Variants in THUMPD2 observed in about 807,000 individuals in gnomAD.
The protein encoded by THUMPD2 is U6 snRNA (guanine-N(2))-methyltransferase THUMPD2.
In THUMPD2, 56 loss-of-function variants were observed where a neutral mutation model predicts 49.4. The ratio of observed to expected loss-of-function variants is 1.13; its 90% CI spans 0.91 to 1.41. The LOEUF (loss-of-function observed/expected upper bound fraction) is 1.41, where lower values mean the gene tolerates loss of function less well. Ranked by LOEUF, THUMPD2 falls within the 40% of genes most tolerant of loss-of-function variation. The probability of loss-of-function intolerance (pLI) is 0.00; values close to 1 mark genes in which losing one functional copy is unlikely to be tolerated. For synonymous variants in THUMPD2, 237 were observed against 205.2 expected (o/e 1.15, Z -1.32); for missense variants, 709 against 594.5 (o/e 1.19, Z -2.00).
chr2:39,773,121 T>A (rs541255859), intron 1 of THUMPD2, among the ~76,000 whole-genome samples: 1 of 152,172 alleles, frequency 6.6e-6, no homozygotes, highest in South Asian at 2.1e-4. Context: ...GTTTCTAGAA[T>A]TTACTTCTTT....
At chr2:39,740,707 T>C (rs1195073075) in intron 9 of THUMPD2, among the ~76,000 whole-genome samples, 1 of 151,622 alleles carries the variant, frequency 6.6e-6, no homozygotes, top group Non-Finnish European at 1.5e-5. Context: ...CTAGTTCATA[T>C]ACACATAATT....
chr2:39,747,021 T>G, intron 8 of THUMPD2, among the ~76,000 whole-genome samples: 1 of 152,228 alleles, frequency 6.6e-6, no homozygotes, highest in East Asian at 1.9e-4. Context: ...TTTTCTCCAT[T>G]TCTCAGCCAA....
At chr2:39,738,432 C>T (rs888660302) in intron 9 of THUMPD2, among the ~76,000 whole-genome samples, 11 of 151,732 alleles carry the variant, frequency 7.2e-5, no homozygotes, top group Non-Finnish European at 1.6e-4. Flanking sequence ...GGTGTGGTGG[C>T]GTGTGCCTGT....
At chr2:39,749,081 A>T (rs1269505633) in intron 8 of THUMPD2, among the ~76,000 whole-genome samples, 1 of 152,180 alleles carries the variant, frequency 6.6e-6, no homozygotes, top group African/African-American at 2.4e-5. Context: ...TTATATGGGT[A>T]TAACATTAAA....
In THUMPD2 at chr2:39,769,919, T is replaced by C; in HGVS notation, c.463A>G (p.Ile155Val). 3 of 1,583,060 alleles carry C rather than the reference T, an allele frequency of 1.9e-6. No homozygotes were observed. Among genetic ancestry groups the C allele is most frequent in the South Asian group, 2.4e-5 (2 of 83,666 alleles). Residue 155 changes from isoleucine (I) to valine (V), a missense_variant, in exon 3 of 10, where the codon ATA becomes GTA. Coordinates refer to ENST00000505747, the MANE Select transcript of THUMPD2 (RefSeq NM_025264.5). ...AGCTGGCAGTCCCTATTCTCTTCTA[T>C]CTTTTGCATTTGTTCTATTTTTAAT... ...KKLKIEQMQK[I>V]EENRDCQLEK...
chr2:39,779,092 G>C (rs1208056369), intron 1 of THUMPD2, 22 bp downstream of exon 1: 4 of 1,496,828 alleles, frequency 2.7e-6, no homozygotes, highest in Non-Finnish European at 3.5e-6. Context: ...ACCTCCCCAG[G>C]CGCGCAGCGA....
intron 8 of THUMPD2, among the ~76,000 whole-genome samples, chr2:39,751,705 G>C (rs1365833541): frequency 2.8e-5 from 2 of 70,478 alleles, no homozygotes; most frequent in Non-Finnish European, 5.4e-5. Context: ...TTTTTTTTGA[G>C]ACGGAGTCTC....
intron 1 of THUMPD2, among the ~76,000 whole-genome samples, chr2:39,776,957 CATT>C (rs1558549935): frequency 6.6e-6 from 1 of 152,204 alleles, no homozygotes; most frequent in African/African-American, 2.4e-5. Context: ...TGGAAAAACA[CATT>C]AAAATGAAGT....
intron 5 of THUMPD2, among the ~76,000 whole-genome samples, chr2:39,764,241 G>A (rs1415010848): frequency 6.6e-6 from 1 of 152,184 alleles, no homozygotes; most frequent in Non-Finnish European, 1.5e-5. Context: ...AATGCTTACT[G>A]TATCCTAGAA....
At position 39,736,845 on chromosome 2, in the gene THUMPD2, T is replaced by C; in HGVS notation, c.1402A>G (p.Arg468Gly). The C allele has an allele frequency of 6.2e-7, 1 of 1,614,216 alleles. No homozygotes were observed. Among genetic ancestry groups the C allele is most frequent in the Non-Finnish European group, 8.5e-7 (1 of 1,180,024 alleles). Reference protein sequence around the residue: ...FEASNHKFLDRMSPFGSLVPV... With the variant: ...FEASNHKFLDGMSPFGSLVPV... ...ACCAAGGAGCCAAATGGTGACATTC[T>C]GTCTAAGAATTTGTGGTTACTGGCT... Residue 468 changes from arginine (R) to glycine (G), a missense_variant, in exon 10 of 10, where the codon AGA becomes GGA. By Grantham distance (125) the Arg-to-Gly change is moderately radical. Transcript: ENST00000505747.
Position 39,744,386 on chromosome 2 carries a change from G to A in THUMPD2, c.1171C>T (p.Leu391=), listed in dbSNP as rs199946304. Residue 391 remains leucine, a synonymous_variant, in exon 9 of 10, where the codon CTA becomes TTA. Coordinates refer to ENST00000505747, the MANE Select transcript of THUMPD2 (RefSeq NM_025264.5). The part of the protein sequence containing the change: ...FKLGKDIKSI[L]QEMERVLHVG... ...ACAACTTACCTTTCCATTTCTTGTAGAATGCTTTTGATGTCTTTTCCTAAC... is the reference window on the plus strand; with the variant it reads ...ACAACTTACCTTTCCATTTCTTGTAAAATGCTTTTGATGTCTTTTCCTAAC... 3.5e-4 allele frequency: 549 copies of A among 1,569,330 alleles called. 1 individual carries two copies. The highest frequency in any genetic ancestry group is 4.6e-4 in the Non-Finnish European group (532 of 1,160,488).
chr2:39,745,449 T>C (rs887292337), intron 8 of THUMPD2, among the ~76,000 whole-genome samples: 1 of 152,242 alleles, frequency 6.6e-6, no homozygotes. Flanking sequence ...GGAATTCCTT[T>C]TTTCCAAGTT....
At chr2:39,768,307 C>T (rs1004246940) in intron 4 of THUMPD2, 117 bp downstream of exon 4, 3 of 827,164 alleles carry the variant, frequency 3.6e-6, no homozygotes, top group Admixed American at 4.9e-5. Flanking sequence ...CTGTTGGATC[C>T]CTGTAGATAC....
chr2:39,755,379 C>T lies in THUMPD2; in HGVS notation c.994G>A (p.Asp332Asn), dbSNP rs372618266. 1.9e-5 allele frequency: 30 copies of T among 1,559,760 alleles called. No individual in the cohort carries two copies. The African/African-American group carries it at 2.6e-4, about 13-fold the overall frequency. ...TCCCAAGTACCTAGTAACTGTGAGT[C>T]GCTGACATCAGCACCTACATAATAC... ...DVYYVGADVS[D>N]SQLLGTWDNL... The change falls in exon 8 of 10, where the codon GAC (aspartate) becomes AAC (asparagine). Residue 332 changes from aspartate (D) to asparagine (N), a missense_variant. Coordinates refer to ENST00000505747, the MANE Select transcript of THUMPD2 (RefSeq NM_025264.5).
rs549133494 is a variant in THUMPD2, at chr2:39,745,115, C to T, written c.1079-637G>A. On this transcript the variant is annotated intron_variant, in intron 8 of 9. Transcript: ENST00000505747. Reference sequence around the variant, plus strand: ...GTACACTCTACCCTAACATCCACATCTTCTAGATGTACTTTCCACTTTTTA... The same window carrying T: ...GTACACTCTACCCTAACATCCACATTTTCTAGATGTACTTTCCACTTTTTA... 2.0e-5 allele frequency among the ~76,000 whole-genome samples: 3 copies of T among 152,312 alleles called. No homozygotes were observed. In the South Asian group the frequency reaches 6.2e-4, roughly 32 times the overall value.
chr2:39,762,634 A>G (rs1009604385), intron 5 of THUMPD2, among the ~76,000 whole-genome samples: 1 of 151,742 alleles, frequency 6.6e-6, no homozygotes, highest in Non-Finnish European at 1.5e-5. Flanking sequence ...TAGAAACACT[A>G]TAAAATATTT....
intron 1 of THUMPD2, among the ~76,000 whole-genome samples, chr2:39,777,022 A>AC (rs1679199645): frequency 6.6e-6 from 1 of 152,240 alleles, no homozygotes. Flanking sequence ...GTAAATTTAC[A>AC]TTTTAGAGTG....
At chr2:39,737,085 G>A (rs1673179914) in intron 9 of THUMPD2, 26 bp from the exon 10 acceptor site, 5 of 1,563,516 alleles carry the variant, frequency 3.2e-6, no homozygotes, top group African/African-American at 1.4e-5. Flanking sequence ...AATGGTAATT[G>A]CTATCTTTCT....
intron 1 of THUMPD2, among the ~76,000 whole-genome samples, chr2:39,778,469 C>A (rs1237939869): frequency 6.6e-6 from 1 of 152,176 alleles, no homozygotes; most frequent in Non-Finnish European, 1.5e-5. Context: ...TCACAGTGTC[C>A]CATACACCCC....
Sources: allele counts gnomAD v4.1 joint callset (sites outside exome capture counted in the v4.1 genomes callset), GRCh38; gene constraint gnomAD v4.1.1; transcripts MANE v1.5; gene names NCBI Gene and HGNC (gene_info 2026-07-23, HGNC 2026-07-21).